UPK3B: variants seen among roughly 807,000 people sequenced by gnomAD.
UPK3B encodes the protein uroplakin 3B, also known as uroplakin-3b.
UPK3B carries 21 observed loss-of-function variants against 27.6 expected under a neutral mutation model. The ratio of observed to expected loss-of-function variants is 0.76; its 90% CI spans 0.54 to 1.10. The LOEUF (loss-of-function observed/expected upper bound fraction) is 1.10. UPK3B is among the 50% of genes least tolerant of loss of function. UPK3B has a pLI of 0.00. For synonymous variants in UPK3B, 141 were observed against 162.3 expected (o/e 0.87, Z 1.00); for missense variants, 306 against 376.1 (o/e 0.81, Z 1.54).
intron 4 of UPK3B, 134 bp from the exon 5 acceptor site, chr7:76,513,811 CAG>C (rs1812625172): frequency 3.0e-6 from 4 of 1,338,598 alleles, no homozygotes; most frequent in Admixed American, 3.9e-5. Flanking sequence ...GGGGTGGGAT[CAG>C]GGGGGCGCCT....
In UPK3B at chr7:76,510,696, T is replaced by C. The variant is rs778987643; in HGVS notation, c.44T>C (p.Leu15Pro). Residue 15 changes from leucine (L) to proline (P), a missense_variant, in exon 1 of 6, where the codon CTC (leucine) becomes CCC (proline). Physicochemically the swap from Leu to Pro is moderately conservative, Grantham distance 98. Coordinates refer to ENST00000334348, the MANE Select transcript of UPK3B (RefSeq NM_001347684.2). Reference sequence around the variant, plus strand: ...CAGCCTCACCTAGGGCTGCAGATGCTCCTCCTGGCGTTGAACTGTCTCCGG... The same window carrying C: ...CAGCCTCACCTAGGGCTGCAGATGCCCCTCCTGGCGTTGAACTGTCTCCGG... Reference protein sequence around the residue: ...WGQPHLGLQMLLLALNCLRPS... With the variant: ...WGQPHLGLQMPLLALNCLRPS... The C allele has an allele frequency of 2.0e-6, 3 of 1,502,148 alleles. No individual in the cohort carries two copies. Among genetic ancestry groups the C allele is most frequent in the Non-Finnish European group, 2.7e-6 (3 of 1,123,264 alleles). The allele number at this position is 1,502,148 out of a possible 1,614,324, so 93.1% of individuals were successfully genotyped here.
chr7:76,514,114 A>G (rs1461305867), intron 5 of UPK3B, 38 bp downstream of exon 5: 25 of 1,613,694 alleles, frequency 1.5e-5, no homozygotes, highest in Non-Finnish European at 2.0e-5. Context: ...TCTCCCACCC[A>G]GAACCCCTCT....
At position 76,516,288 on chromosome 7, in the gene UPK3B, C is replaced by T; in HGVS notation, c.*1084C>T. The T allele has an allele frequency of 8.2e-6, 5 of 612,236 alleles. 1 individual carries two copies. Among genetic ancestry groups the T allele is most frequent in the Non-Finnish European group, 9.4e-6 (5 of 530,064 alleles). 37.9% of individuals were successfully genotyped at this position (612,236 alleles called of 1,614,324 possible). A position where few individuals can be genotyped will look rare whatever the true frequency, so the allele number is the denominator to read the frequency against. On this transcript the variant is annotated 3_prime_UTR_variant, in exon 6 of 6. Transcript: ENST00000334348. ...AGCAATCACGCCTGAGAGCCCACTG[C>T]GTGCCATGCAGTCCGCACAGCCGCA...
rs1329150296 is a variant in UPK3B at position 76,514,080 on chromosome 7, A to C, written c.671+4A>C. 6.2e-7 allele frequency: 1 copy of C among 1,613,802 alleles called. No homozygotes were observed. Among genetic ancestry groups the C allele is most frequent in the Non-Finnish European group, 8.5e-7 (1 of 1,179,886 alleles). ...TGGCAGCCTCTACCATGCGCTTGTG[A>C]GTGGGGACACCCCCTCGGGCCCCTC... On this transcript the variant is annotated splice_donor_region_variant and intron_variant, in intron 5 of 5. Transcript: ENST00000334348.
In UPK3B at chr7:76,511,750, C is replaced by T. The variant is rs1267631485; in HGVS notation, c.329C>T (p.Ser110Phe). 2.5e-6 allele frequency: 4 copies of T among 1,610,650 alleles called. No homozygotes were observed. Among genetic ancestry groups the T allele is most frequent in the Non-Finnish European group, 3.4e-6 (4 of 1,179,096 alleles). Reference sequence around the variant, plus strand: ...GGCCACTACATGACGCTGCCCCTGTCTCCGGACCAGCTGCCCTGTGGCGAC... The same window carrying T: ...GGCCACTACATGACGCTGCCCCTGTTTCCGGACCAGCTGCCCTGTGGCGAC... ...TDGHYMTLPL[S>F]PDQLPCGDPM... Residue 110 changes from serine to phenylalanine, a missense_variant, in exon 3 of 6, where the codon TCT becomes TTT. By Grantham distance (155) the Ser-to-Phe change is radical. Coordinates refer to ENST00000334348, the MANE Select transcript of UPK3B (RefSeq NM_001347684.2).
Position 76,513,116 on chromosome 7 carries a change from C to T in UPK3B, c.494C>T (p.Ser165Leu). The T allele has an allele frequency of 6.2e-7, 1 of 1,613,858 alleles. No individual in the cohort carries two copies. Among genetic ancestry groups the T allele is most frequent in the Non-Finnish European group, 8.5e-7 (1 of 1,179,928 alleles). ...TTCCTCCTGATGGACACCAGGGGCT[C>T]ACCCAGGGCTGAGACCAAGTGGTCA... is the stretch of plus-strand genomic sequence containing the variant. ...VKFLLMDTRGSPRAETKWSDP... is the reference protein window; with the variant it reads ...VKFLLMDTRGLPRAETKWSDP... The change falls in exon 4 of 6, where the codon TCA becomes TTA. Residue 165 changes from serine (S) to leucine (L), a missense_variant. Physicochemically the swap from Ser to Leu is moderately radical, Grantham distance 145. Coordinates refer to ENST00000334348, the MANE Select transcript of UPK3B (RefSeq NM_001347684.2).
rs1245959395 is a variant in UPK3B, at chr7:76,516,131, C to T, written c.*927C>T. On this transcript the variant is annotated 3_prime_UTR_variant, in exon 6 of 6. Coordinates refer to ENST00000334348, the MANE Select transcript of UPK3B (RefSeq NM_001347684.2). ...GGTCGCCGGTGAGCCGCAGCCAGGC[C>T]GCCTCACGGCCAGTGTGCATGCTCG... is the stretch of plus-strand genomic sequence containing the variant. 25 of 611,558 alleles carry T rather than the reference C, an allele frequency of 4.1e-5. 8 individuals are homozygous for T. The South Asian group carries it at 1.1e-3, about 26-fold the overall frequency. 37.9% of individuals were successfully genotyped at this position (611,558 alleles called of 1,614,324 possible).
intron 4 of UPK3B, 151 bp downstream of exon 4, chr7:76,513,314 G>A: frequency 1.4e-6 from 1 of 726,306 alleles, no homozygotes; most frequent in African/African-American, 1.8e-5. Context: ...ACCTCATGCT[G>A]GGGGAGTGGG....
At chr7:76,512,188 C>T (rs1812556506) in intron 3 of UPK3B, among the ~76,000 whole-genome samples, 1 of 149,444 alleles carries the variant, frequency 6.7e-6, no homozygotes, top group South Asian at 2.1e-4. Flanking sequence ...TGGCAGGAAA[C>T]TCGGGGGCCG....
chr7:76,516,203 C>T lies in UPK3B; in HGVS notation c.*999C>T, dbSNP rs1295829652. On this transcript the variant is annotated 3_prime_UTR_variant, in exon 6 of 6. Transcript: ENST00000334348. ...GCCTCCGAGGCGGTAGCAGATGCCA[C>T]GTTGGCGGGGTCGGTGAAGGTCAGG... 5 of 612,016 alleles carry T rather than the reference C, an allele frequency of 8.2e-6. 2 individuals carry two copies. In the Admixed American group the frequency reaches 5.0e-4, roughly 61 times the overall value. The allele number at this position is 612,016 out of a possible 1,614,324, so 37.9% of individuals were successfully genotyped here.
At position 76,511,782 on chromosome 7, in the gene UPK3B, G is replaced by A; in HGVS notation, c.361G>A (p.Ala121Thr). ...CCAGCTGCCCTGTGGCGACCCCATGGCGGGCAGCGGAGGCGCCCCCGTGCT... is the reference window on the plus strand; with the variant it reads ...CCAGCTGCCCTGTGGCGACCCCATGACGGGCAGCGGAGGCGCCCCCGTGCT... ...PDQLPCGDPMAGSGGAPVLRV... is the reference protein window; with the variant it reads ...PDQLPCGDPMTGSGGAPVLRV... The change falls in exon 3 of 6, where the codon GCG becomes ACG. Residue 121 changes from alanine (A) to threonine (T), a missense_variant. Physicochemically the swap from Ala to Thr is moderately conservative, Grantham distance 58. Around this residue, in one of 4 missense-constraint regions of UPK3B, gnomAD observed 78 missense variants for 120.2 expected, o/e 0.65. Transcript: ENST00000334348. 5 of 1,591,530 alleles carry A rather than the reference G, an allele frequency of 3.1e-6. No individual in the cohort carries two copies. Among genetic ancestry groups the A allele is most frequent in the Non-Finnish European group, 4.3e-6 (5 of 1,169,328 alleles).
At chr7:76,512,861 C>T (rs2009000307) in intron 3 of UPK3B, among the ~76,000 whole-genome samples, 1 of 151,974 alleles carries the variant, frequency 6.6e-6, no homozygotes, top group African/African-American at 2.4e-5. Flanking sequence ...GTCTGGAGAG[C>T]AATTGCTCGG....
At chr7:76,513,856 G>A (rs1028693917) in intron 4 of UPK3B, 91 bp from the exon 5 acceptor site, 1 of 1,584,760 alleles carries the variant, frequency 6.3e-7, no homozygotes, top group African/African-American at 1.3e-5. Context: ...TTGAAGCTAG[G>A]CCAGCGTGGG....
In UPK3B at chr7:76,511,071, G is replaced by A; in HGVS notation, c.235+19G>A. ...AGCAATGGTACGGGGACTGCTGTGG[G>A]GCCTGGGTGAGGGTGACGGCTGAGG... On this transcript the variant is annotated intron_variant, in intron 2 of 5. Coordinates refer to ENST00000334348, the MANE Select transcript of UPK3B (RefSeq NM_001347684.2). 1.3e-6 allele frequency: 2 copies of A among 1,579,412 alleles called. No homozygotes were observed. Among genetic ancestry groups the A allele is most frequent in the Non-Finnish European group, 1.7e-6 (2 of 1,158,080 alleles).
intron 3 of UPK3B, among the ~76,000 whole-genome samples, chr7:76,512,875 GA>G (rs1174925992): frequency 2.6e-5 from 4 of 152,152 alleles, no homozygotes; most frequent in Non-Finnish European, 5.9e-5. Context: ...TGCTCGGGGG[GA>G]TGAGGGGTGG....
intron 4 of UPK3B, among the ~76,000 whole-genome samples, 188 bp downstream of exon 4, chr7:76,513,351 G>A (rs374105256): frequency 6.6e-6 from 1 of 152,172 alleles, no homozygotes; most frequent in Non-Finnish European, 1.5e-5. Flanking sequence ...CTCGGCAGGG[G>A]CACCATCTCG....
rs1295367195 is a variant in UPK3B, at chr7:76,513,253, A to G, written c.541+90A>G. The G allele has an allele frequency of 6.4e-6, 8 of 1,254,888 alleles. No homozygotes were observed. The East Asian group carries it at 2.0e-4, about 31-fold the overall frequency. The allele number at this position is 1,254,888 out of a possible 1,614,324, so 77.7% of individuals were successfully genotyped here. On this transcript the variant is annotated intron_variant, in intron 4 of 5. Transcript: ENST00000334348. ...GAGCTGGCCACACCCCTGCTCCCAC[A>G]GGGCTGGGGGCCTGGAGGCCATGTC...
At position 76,515,266 on chromosome 7, in the gene UPK3B, G is replaced by A. The variant is rs1269489584; in HGVS notation, c.*62G>A. On this transcript the variant is annotated 3_prime_UTR_variant, in exon 6 of 6. Coordinates refer to ENST00000334348, the MANE Select transcript of UPK3B (RefSeq NM_001347684.2). The stretch of plus-strand genomic sequence containing the variant: ...GCTGGGAGTGAGTGCATGGTGCTTT[G>A]TCCCAGCTCCTGCACCCACAGGCCC... 3.2e-6 allele frequency: 5 copies of A among 1,558,266 alleles called. No individual in the cohort carries two copies. In the South Asian group the frequency reaches 4.7e-5, roughly 15 times the overall value.
chr7:76,514,308 G>A (rs35613536), intron 5 of UPK3B, among the ~76,000 whole-genome samples: 39,948 of 152,090 alleles, frequency 0.26, 5,833 homozygotes, highest in Middle Eastern at 0.46. Context: ...GCCGAGCCCC[G>A]TGGTTTCGAG....
Sources: allele counts gnomAD v4.1 joint callset (sites outside exome capture counted in the v4.1 genomes callset), GRCh38; gene constraint gnomAD v4.1.1; regional missense constraint gnomAD v4.1.1; transcripts MANE v1.5; gene names NCBI Gene and HGNC (gene_info 2026-07-23, HGNC 2026-07-21).